The following CCDC141 variants were observed in gnomAD, a reference collection of about 807,000 sequenced individuals.
CCDC141 encodes the protein coiled-coil domain-containing protein 141.
A neutral mutation model predicts 181.0 loss-of-function variants in CCDC141; 168 were observed. The observed-to-expected ratio is 0.93, with a 90% CI of 0.82 to 1.05. The LOEUF (loss-of-function observed/expected upper bound fraction) is 1.05, where lower values mean the gene tolerates loss of function less well. CCDC141 is among the 50% of genes least tolerant of loss of function. CCDC141 has a pLI of 0.00. For missense variants in CCDC141, 1,902 were observed against 1,788.5 expected (o/e 1.06, Z -1.14); for synonymous variants, 666 against 642.3 (o/e 1.04, Z -0.56).
intron 17 of CCDC141, among the ~76,000 whole-genome samples, chr2:178,859,502 G>C (rs1685514199): frequency 6.6e-6 from 1 of 152,018 alleles, no homozygotes; most frequent in African/African-American, 2.4e-5. Flanking sequence ...CACATAAGTG[G>C]AGAAAAACAC....
At chr2:178,894,201 CT>C (rs753840001) in intron 8 of CCDC141, among the ~76,000 whole-genome samples, 3 of 152,152 alleles carry the variant, frequency 2.0e-5, no homozygotes, top group East Asian at 1.9e-4. Context: ...TCCACAGACG[CT>C]TGTGTGACCC....
At chr2:178,906,366 G>A (rs149385870) in intron 7 of CCDC141, among the ~76,000 whole-genome samples, 250 of 152,240 alleles carry the variant, frequency 1.6e-3, no homozygotes, top group Non-Finnish European at 2.7e-3. Context: ...GAATACTGTG[G>A]GTATATGAGG....
chr2:178,994,220 A>G (rs1347702848), intron 2 of CCDC141, among the ~76,000 whole-genome samples: 1 of 152,150 alleles, frequency 6.6e-6, no homozygotes, highest in Non-Finnish European at 1.5e-5. Flanking sequence ...AGTGACCTCC[A>G]TGAGGGCCCT....
At chr2:178,950,858 A>G (rs1689924007) in intron 5 of CCDC141, among the ~76,000 whole-genome samples, 1 of 152,210 alleles carries the variant, frequency 6.6e-6, no homozygotes, top group South Asian at 2.1e-4. Context: ...TGTTTAGAAT[A>G]ATAATTTTAT....
chr2:178,969,528 T>A (rs1026525814), intron 4 of CCDC141, among the ~76,000 whole-genome samples: 2 of 152,122 alleles, frequency 1.3e-5, no homozygotes, highest in Non-Finnish European at 2.9e-5. Context: ...AAAAAACACA[T>A]GATTATCTCA....
At chr2:179,018,761 A>C (rs559701447) in intron 2 of CCDC141, among the ~76,000 whole-genome samples, 1 of 152,114 alleles carries the variant, frequency 6.6e-6, no homozygotes, top group Non-Finnish European at 1.5e-5. Context: ...AATTCTGTAG[A>C]TTACAAACTA....
the CCDC141 span, among the ~76,000 whole-genome samples, chr2:178,816,944 G>C: frequency 6.6e-6 from 1 of 152,102 alleles, no homozygotes; most frequent in African/African-American, 2.4e-5. Context: ...CTGCACCTAA[G>C]AGAAATAAGG....
intron 2 of CCDC141, among the ~76,000 whole-genome samples, chr2:178,989,593 CAAAAAAAAAAAA>C (rs1204459331): frequency 2.6e-5 from 2 of 76,590 alleles, no homozygotes; most frequent in East Asian, 3.5e-4. Context: ...GACCCTGCCT[CAAAAAAAAAAAA>C]AAATAAATAA....
intron 21 of CCDC141, among the ~76,000 whole-genome samples, chr2:178,846,224 A>C (rs1406369787): frequency 6.6e-6 from 1 of 152,200 alleles, no homozygotes; most frequent in Non-Finnish European, 1.5e-5. Context: ...AAAGAAAAAC[A>C]GCAATTGAGA....
intron 8 of CCDC141, among the ~76,000 whole-genome samples, chr2:178,891,560 G>T (rs1687149893): frequency 6.6e-6 from 1 of 151,184 alleles, no homozygotes; most frequent in African/African-American, 2.4e-5. Context: ...CTTTGAAACT[G>T]GCTGGCTTTT....
In CCDC141 at chr2:178,832,963, A is replaced by G. The variant is rs1038337352; in HGVS notation, c.*1210T>C. The G allele has an allele frequency of 6.6e-6, 1 of 152,200 alleles. No individual in the cohort carries two copies. Among genetic ancestry groups the G allele is most frequent in the African/African-American group, 2.4e-5 (1 of 41,456 alleles). The allele number at this position is 152,200 out of a possible 1,614,324, so 9.4% of individuals were successfully genotyped here. ...TCAATATTATAGTAATAATTATTGT[A>G]AAAGGATAGAATTCATCTCATACCA... On this transcript the variant is annotated 3_prime_UTR_variant, in exon 24 of 24. Transcript: ENST00000443758.
intron 5 of CCDC141, among the ~76,000 whole-genome samples, chr2:178,949,892 C>T (rs1689880568): frequency 6.6e-6 from 1 of 152,242 alleles, no homozygotes; most frequent in African/African-American, 2.4e-5. Flanking sequence ...AGAAGGTGAA[C>T]TTCTGCTGCA....
At chr2:178,938,299 G>A (rs535308779) in intron 6 of CCDC141, among the ~76,000 whole-genome samples, 1 of 152,012 alleles carries the variant, frequency 6.6e-6, no homozygotes, top group Non-Finnish European at 1.5e-5. Flanking sequence ...TTGTATCTTT[G>A]TTCTCATTAG....
At chr2:178,835,979 CA>C (rs995472628) in intron 23 of CCDC141, 4 of 152,554 alleles carry the variant, frequency 2.6e-5, no homozygotes, top group Non-Finnish European at 5.9e-5. Context: ...CAAGTACCAT[CA>C]ATGGGCACAC....
At position 178,989,404 on chromosome 2, in the gene CCDC141, G is replaced by T. The variant is rs1691917106; in HGVS notation, c.226-10729C>A. Among the ~76,000 whole-genome samples the T allele has an allele frequency of 2.0e-5, 3 of 151,392 alleles. No homozygotes were observed. In the South Asian group the frequency reaches 6.3e-4, roughly 32 times the overall value. On this transcript the variant is annotated intron_variant, in intron 2 of 23. Coordinates refer to ENST00000443758, the MANE Select transcript of CCDC141 (RefSeq NM_173648.4). ...AGATCAGGAGTTCGAGACCAGCCTG[G>T]CCAACATGTTGAAACTCCATCTCTA...
At chr2:179,015,476 G>A (rs1254717572) in intron 2 of CCDC141, among the ~76,000 whole-genome samples, 6 of 69,904 alleles carry the variant, frequency 8.6e-5, no homozygotes, top group East Asian at 9.2e-4. Context: ...TCATATATGT[G>A]CCATATATAT....
intron 21 of CCDC141, 108 bp downstream of exon 21, chr2:178,849,941 A>G (rs1480482537): frequency 9.4e-6 from 6 of 640,268 alleles, no homozygotes; most frequent in Admixed American, 9.3e-5. Context: ...TGTGCACATT[A>G]TGTACCCTGA....
chr2:179,026,961 G>T (rs1335707957), intron 2 of CCDC141, among the ~76,000 whole-genome samples: 1 of 152,196 alleles, frequency 6.6e-6, no homozygotes, highest in Non-Finnish European at 1.5e-5. Context: ...GGCTGTATTT[G>T]CCCAATGCCT....
At chr2:178,990,896 G>A (rs1048382740) in intron 2 of CCDC141, among the ~76,000 whole-genome samples, 10 of 152,102 alleles carry the variant, frequency 6.6e-5, no homozygotes, top group African/African-American at 2.4e-4. Flanking sequence ...GGTTGCACAT[G>A]TGAAAGGTGA....
Sources: gnomAD v4.1 joint callset for allele counts (sites outside exome capture counted in the v4.1 genomes callset) on GRCh38, gnomAD v4.1.1 for gene constraint, MANE v1.5 for transcripts, NCBI Gene and HGNC (gene_info 2026-07-23, HGNC 2026-07-21) for gene names.